The following GNAQ variants were observed in gnomAD, a reference collection of about 807,000 sequenced individuals.
The protein encoded by GNAQ is G protein subunit alpha q, also known as guanine nucleotide-binding protein G(q) subunit alpha.
A neutral mutation model predicts 43.9 loss-of-function variants in GNAQ; 8 were observed. The ratio of observed to expected loss-of-function variants is 0.18; its 90% confidence interval spans 0.11 to 0.33. The LOEUF (loss-of-function observed/expected upper bound fraction) is 0.33, where lower values mean the gene tolerates loss of function less well. Among genes scored for constraint, GNAQ ranks in the 10% least tolerant of loss-of-function variants. The probability of loss-of-function intolerance (pLI) is 1.00; values close to 1 mark genes in which losing one functional copy is unlikely to be tolerated. For synonymous variants in GNAQ, 155 were observed against 170.7 expected (o/e 0.91, Z 0.71); for missense variants, 158 against 450.8 (o/e 0.35, Z 5.88).
intron 2 of GNAQ, among the ~76,000 whole-genome samples, chr9:77,839,528 G>A (rs926166853): frequency 1.3e-5 from 2 of 152,130 alleles, no homozygotes; most frequent in African/African-American, 2.4e-5. Context: ...CAGGTTTCCC[G>A]AAAAAGGTAA....
chr9:77,862,577 G>A (rs1474463801), intron 2 of GNAQ, among the ~76,000 whole-genome samples: 3 of 152,184 alleles, frequency 2.0e-5, no homozygotes, highest in Non-Finnish European at 4.4e-5. Flanking sequence ...ACAGCAGAAG[G>A]ACCCTGGGCC....
At chr9:77,861,960 G>A (rs148479231) in intron 2 of GNAQ, among the ~76,000 whole-genome samples, 213 of 149,094 alleles carry the variant, frequency 1.4e-3, no homozygotes, top group African/African-American at 4.9e-3. Context: ...AGCTGAGATC[G>A]TGCCACTGCA....
rs12343046 is a variant in GNAQ at position 77,917,374 on chromosome 9, G to C, written c.321+4787C>G. 8.5e-3 allele frequency among the ~76,000 whole-genome samples: 1,281 copies of C among 151,300 alleles called. 15 individuals carry two copies. Among genetic ancestry groups the C allele is most frequent in the African/African-American group, 0.029 (1,168 of 40,796 alleles). Reference sequence around the variant, plus strand: ...GGTATAAAGAGGGCGGAAGGAGGGTGGGGGGGAAGAAGGTAAGAAAAAATA... The same window carrying C: ...GGTATAAAGAGGGCGGAAGGAGGGTCGGGGGGAAGAAGGTAAGAAAAAATA... On this transcript the variant is annotated intron_variant, in intron 2 of 6. Coordinates refer to ENST00000286548, the MANE Select transcript of GNAQ (RefSeq NM_002072.5).
At chr9:77,994,709 C>T (rs1311648868) in intron 1 of GNAQ, among the ~76,000 whole-genome samples, 1 of 152,204 alleles carries the variant, frequency 6.6e-6, no homozygotes, top group Admixed American at 6.5e-5. Context: ...CTATGTTTTG[C>T]TGCCTCTGAG....
intron 2 of GNAQ, among the ~76,000 whole-genome samples, chr9:77,919,602 G>C (rs575890947): frequency 3.9e-5 from 6 of 151,956 alleles, no homozygotes; most frequent in Non-Finnish European, 8.8e-5. Context: ...GATGAAGCAA[G>C]GTGAAAATGA....
chr9:77,967,540 T>C (rs1337163385), intron 1 of GNAQ, among the ~76,000 whole-genome samples: 8 of 152,088 alleles, frequency 5.3e-5, no homozygotes, highest in Non-Finnish European at 1.2e-4. Context: ...CTTAAAAATA[T>C]CATGGTGACT....
intron 1 of GNAQ, among the ~76,000 whole-genome samples, chr9:78,013,284 T>A (rs911280185): frequency 2.0e-5 from 3 of 151,688 alleles, no homozygotes; most frequent in South Asian, 2.1e-4. Context: ...CCCTTAGCCA[T>A]TGACAATTTT....
At chr9:77,797,450 TTTA>T in intron 4 of GNAQ, 67 bp downstream of exon 4, 1 of 1,142,676 alleles carries the variant, frequency 8.8e-7, no homozygotes, top group Admixed American at 1.7e-5. Context: ...GATTCCAGTA[TTTA>T]TAGAGTTTAC....
intron 2 of GNAQ, among the ~76,000 whole-genome samples, chr9:77,878,115 G>A (rs945765734): frequency 6.6e-6 from 1 of 151,952 alleles, no homozygotes; most frequent in Non-Finnish European, 1.5e-5. Flanking sequence ...ACAAATAATT[G>A]TTGAATGAAT....
At chr9:77,841,214 A>G (rs1827484987) in intron 2 of GNAQ, among the ~76,000 whole-genome samples, 1 of 152,234 alleles carries the variant, frequency 6.6e-6, no homozygotes, top group African/African-American at 2.4e-5. Flanking sequence ...AGAAAAAAAG[A>G]AAACTCCGAA....
intron 1 of GNAQ, among the ~76,000 whole-genome samples, chr9:77,937,373 G>T (rs895284380): frequency 2.6e-5 from 4 of 151,946 alleles, no homozygotes; most frequent in African/African-American, 9.7e-5. Flanking sequence ...AGGATGAGGA[G>T]GTTGCAGTGA....
At chr9:77,955,941 C>G (rs1269080383) in intron 1 of GNAQ, among the ~76,000 whole-genome samples, 12 of 152,166 alleles carry the variant, frequency 7.9e-5, no homozygotes, top group Admixed American at 3.9e-4. Context: ...CTTCCGATGG[C>G]AATTCCTGCC....
intron 1 of GNAQ, among the ~76,000 whole-genome samples, chr9:78,000,192 T>C (rs12685834): frequency 0.21 from 32,235 of 152,110 alleles, 3,636 homozygotes; most frequent in South Asian, 0.39. Flanking sequence ...CATCAAAAAT[T>C]CAATTTTTTT....
intron 1 of GNAQ, among the ~76,000 whole-genome samples, chr9:78,009,550 A>G (rs1823748911): frequency 6.6e-6 from 1 of 152,250 alleles, no homozygotes; most frequent in Non-Finnish European, 1.5e-5. Flanking sequence ...CTTGGAATCA[A>G]CTGGAGATAC....
intron 1 of GNAQ, among the ~76,000 whole-genome samples, chr9:77,993,262 T>C (rs1242750294): frequency 1.3e-5 from 2 of 152,080 alleles, no homozygotes; most frequent in Non-Finnish European, 2.9e-5. Context: ...TGTCAGAAAA[T>C]ATTAACAGTT....
intron 1 of GNAQ, among the ~76,000 whole-genome samples, chr9:78,021,006 G>A (rs1823902025): frequency 6.8e-6 from 1 of 148,082 alleles, no homozygotes; most frequent in Non-Finnish European, 1.5e-5. Flanking sequence ...TGGCCACAGA[G>A]TCTTTGTCCA....
intron 4 of GNAQ, among the ~76,000 whole-genome samples, chr9:77,796,130 G>A (rs1394983065): frequency 6.6e-6 from 1 of 152,180 alleles, no homozygotes; most frequent in East Asian, 1.9e-4. Context: ...ATCATCTAAT[G>A]CAATACAACC....
At chr9:77,923,239 G>A (rs1036182587) in intron 1 of GNAQ, among the ~76,000 whole-genome samples, 2 of 152,134 alleles carry the variant, frequency 1.3e-5, no homozygotes, top group African/African-American at 4.8e-5. Context: ...TGGGAGGTTG[G>A]TTGACTGAGT....
At chr9:77,983,612 C>T (rs999604601) in intron 1 of GNAQ, among the ~76,000 whole-genome samples, 1 of 152,120 alleles carries the variant, frequency 6.6e-6, no homozygotes, top group Non-Finnish European at 1.5e-5. Flanking sequence ...GTGTATGTTG[C>T]CTTTTGCCTC....
Sources: gnomAD v4.1 joint callset for allele counts (sites outside exome capture counted in the v4.1 genomes callset) on GRCh38, gnomAD v4.1.1 for gene constraint, MANE v1.5 for transcripts, NCBI Gene and HGNC (gene_info 2026-07-23, HGNC 2026-07-21) for gene names.